The following PDE11A variants were observed in gnomAD, a reference collection of about 807,000 sequenced individuals.
PDE11A encodes the protein dual 3',5'-cyclic-AMP and -GMP phosphodiesterase 11A.
Under a neutral mutation model 100.5 loss-of-function variants are expected in PDE11A, and 100 were observed. That is an observed-to-expected ratio of 1.00 (90% CI 0.85 to 1.18). PDE11A has a LOEUF of 1.18. Among genes scored for constraint, PDE11A ranks in the 50% most tolerant of loss-of-function variants. The probability of loss-of-function intolerance (pLI) is 0.00; values close to 1 mark genes in which losing one functional copy is unlikely to be tolerated. For synonymous variants in PDE11A, 381 were observed against 420.8 expected (o/e 0.91, Z 1.16); for missense variants, 1,141 against 1,152.6 (o/e 0.99, Z 0.15).
At chr2:177,686,892 T>C (rs2080960294) in intron 15 of PDE11A, 1 of 151,976 alleles carries the variant, frequency 6.6e-6, no homozygotes, top group Admixed American at 6.6e-5. Flanking sequence ...ATTTTTTTAA[T>C]TTTTAGTAGA....
chr2:177,844,474 G>A (rs1003333715), intron 5 of PDE11A, among the ~76,000 whole-genome samples: 5 of 151,436 alleles, frequency 3.3e-5, no homozygotes, highest in Non-Finnish European at 5.9e-5. Flanking sequence ...TCAGACCAGA[G>A]TAATCACATT....
chr2:177,696,230 G>A (rs117574608), intron 15 of PDE11A, among the ~76,000 whole-genome samples: 1 of 152,156 alleles, frequency 6.6e-6, no homozygotes, highest in African/African-American at 2.4e-5. Flanking sequence ...AGGAAGTTTG[G>A]AGTGAAGAAT....
At chr2:177,665,772 A>G (rs1008012582) in intron 18 of PDE11A, among the ~76,000 whole-genome samples, 2 of 151,440 alleles carry the variant, frequency 1.3e-5, no homozygotes, top group Non-Finnish European at 2.9e-5. Context: ...CAGGAGAATA[A>G]CTTGAACCTG....
chr2:177,724,466 G>T (rs1421882791), intron 12 of PDE11A, among the ~76,000 whole-genome samples: 1 of 152,000 alleles, frequency 6.6e-6, no homozygotes, highest in African/African-American at 2.4e-5. Flanking sequence ...GGAAGCTGGG[G>T]CATATATTTA....
In PDE11A at chr2:177,998,228, G is replaced by A. The variant is rs898082068; in HGVS notation, c.1071+16074C>T. 2.5e-4 allele frequency: 206 copies of A among 826,882 alleles called. 1 individual carries two copies. The highest frequency in any genetic ancestry group is 1.6e-3 in the South Asian group (118 of 75,394). The allele number at this position is 826,882 out of a possible 1,614,324, so 51.2% of individuals were successfully genotyped here. ...CTTCATGAGTCACATCTTCTAGGACGTGTTTGGATTCAGTTAGTATAAGCT... is the reference window on the plus strand; with the variant it reads ...CTTCATGAGTCACATCTTCTAGGACATGTTTGGATTCAGTTAGTATAAGCT... On this transcript the variant is annotated intron_variant, in intron 2 of 19. Coordinates refer to ENST00000286063, the MANE Select transcript of PDE11A (RefSeq NM_016953.4).
chr2:177,977,434 A>G (rs2085823871), intron 2 of PDE11A, among the ~76,000 whole-genome samples: 2 of 134,490 alleles, frequency 1.5e-5, no homozygotes, highest in South Asian at 2.7e-4. Context: ...CAAGGAAATA[A>G]AAGAGGACAC....
At chr2:178,026,775 T>C (rs542317662) in intron 1 of PDE11A, among the ~76,000 whole-genome samples, 1 of 152,108 alleles carries the variant, frequency 6.6e-6, no homozygotes, top group Non-Finnish European at 1.5e-5. Flanking sequence ...TAGAAATAAG[T>C]GTATTTAGTT....
intron 19 of PDE11A, among the ~76,000 whole-genome samples, chr2:177,637,784 C>T (rs12467363): frequency 0.62 from 92,398 of 149,978 alleles, 32,192 homozygotes; most frequent in Non-Finnish European, 0.75. Flanking sequence ...TGATGCTCTG[C>T]TCATTTCTCT....
chr2:177,942,867 CCCT>C (rs926705008), intron 2 of PDE11A, among the ~76,000 whole-genome samples: 1 of 152,052 alleles, frequency 6.6e-6, no homozygotes, highest in Non-Finnish European at 1.5e-5. Context: ...TTAAACAACC[CCCT>C]ATTTCCCCCT....
At chr2:178,077,478 T>C (rs1424708176), upstream of PDE11A, among the ~76,000 whole-genome samples, 5 of 152,158 alleles carry the variant, frequency 3.3e-5, no homozygotes, top group African/African-American at 9.7e-5. Flanking sequence ...AATTTCTGTT[T>C]AAATCCAGCT....
chr2:177,860,817 A>T (rs1273108267), intron 5 of PDE11A, among the ~76,000 whole-genome samples: 2 of 151,844 alleles, frequency 1.3e-5, no homozygotes, highest in South Asian at 4.1e-4. Flanking sequence ...ATACTATTTT[A>T]ATAGAATAAA....
chr2:177,790,632 CCTA>C (rs1023390605), intron 9 of PDE11A, among the ~76,000 whole-genome samples: 13 of 152,074 alleles, frequency 8.5e-5, no homozygotes, highest in African/African-American at 3.1e-4. Context: ...ATTTTTGCAA[CCTA>C]CTCATCTGAC....
chr2:177,794,782 G>C (rs200422357), intron 9 of PDE11A, among the ~76,000 whole-genome samples: 3 of 65,692 alleles, frequency 4.6e-5, no homozygotes, highest in Non-Finnish European at 9.2e-5. Flanking sequence ...TTGTTTGTTT[G>C]TTTGTTTGTT....
chr2:177,734,790 A>T (rs1458976201), intron 10 of PDE11A, among the ~76,000 whole-genome samples: 2 of 152,218 alleles, frequency 1.3e-5, no homozygotes, highest in East Asian at 3.9e-4. Context: ...AATAGGAAAT[A>T]GTAAGTAACG....
intron 9 of PDE11A, among the ~76,000 whole-genome samples, chr2:177,801,174 C>G (rs1011372515): frequency 2.0e-5 from 3 of 152,190 alleles, no homozygotes; most frequent in African/African-American, 7.2e-5. Context: ...GTCACTTGCT[C>G]AGGGTGGTCT....
chr2:177,979,077 T>TTA (rs1286068533), intron 2 of PDE11A, among the ~76,000 whole-genome samples: 2 of 113,032 alleles, frequency 1.8e-5, no homozygotes, highest in African/African-American at 6.4e-5. Flanking sequence ...TAGAGTATAA[T>TTA]AAAAAAAAAA....
chr2:177,751,860 T>A (rs1170504674), intron 10 of PDE11A, among the ~76,000 whole-genome samples: 2 of 152,222 alleles, frequency 1.3e-5, no homozygotes, highest in Non-Finnish European at 2.9e-5. Flanking sequence ...GGTTTTTTCA[T>A]ATTTCCATCT....
intron 5 of PDE11A, among the ~76,000 whole-genome samples, chr2:177,862,964 A>G (rs1019569340): frequency 2.6e-5 from 4 of 152,056 alleles, no homozygotes; most frequent in Admixed American, 1.3e-4. Flanking sequence ...AAACAGTAAG[A>G]TATTGACATA....
intron 5 of PDE11A, among the ~76,000 whole-genome samples, chr2:177,862,751 C>A (rs1163715193): frequency 6.6e-6 from 1 of 151,780 alleles, no homozygotes; most frequent in Non-Finnish European, 1.5e-5. Context: ...TTAAAATGTC[C>A]ATACTACCTA....
Sources: gnomAD v4.1 joint callset for allele counts (sites outside exome capture counted in the v4.1 genomes callset) on GRCh38, gnomAD v4.1.1 for gene constraint, MANE v1.5 for transcripts, NCBI Gene and HGNC (gene_info 2026-07-23, HGNC 2026-07-21) for gene names.